The following SWAP70 variants were observed in gnomAD, a reference collection of about 807,000 sequenced individuals.
SWAP70 encodes switch-associated protein 70.
A neutral mutation model predicts 80.2 loss-of-function variants in SWAP70; 34 were observed. The ratio of observed to expected loss-of-function variants is 0.42; its 90% CI spans 0.32 to 0.56. The LOEUF (loss-of-function observed/expected upper bound fraction) is 0.56. Among genes scored for constraint, SWAP70 ranks in the 20% least tolerant of loss-of-function variants. SWAP70 has a pLI of 0.09. For missense variants in SWAP70, 578 were observed against 690.7 expected, an observed-to-expected ratio of 0.84 and a Z score of 1.83; for synonymous variants, 239 against 238.5, an observed-to-expected ratio of 1.00 and a Z score of -0.02.
chr11:9,742,781 G>A (rs1256498891), intron 9 of SWAP70, among the ~76,000 whole-genome samples: 1 of 151,916 alleles, frequency 6.6e-6, no homozygotes, highest in Admixed American at 6.6e-5. Context: ...AAAATCAAGG[G>A]AAGTCATCCT....
At chr11:9,712,651 A>G (rs1200312596) in intron 2 of SWAP70, among the ~76,000 whole-genome samples, 1 of 152,082 alleles carries the variant, frequency 6.6e-6, no homozygotes, top group Non-Finnish European at 1.5e-5. Flanking sequence ...GAAACACTGG[A>G]TACGTGAACA....
intron 1 of SWAP70, among the ~76,000 whole-genome samples, chr11:9,671,725 TATTTCTATGTATACATAG>T (rs1481380904): frequency 8.2e-4 from 76 of 92,268 alleles, no homozygotes; most frequent in Middle Eastern, 0.015. Flanking sequence ...TATATAAATA[TATTTCTATGTATACATAG>T]AAATATAAAT....
chr11:9,694,306 T>C lies in SWAP70; in HGVS notation c.240+20T>C. The C allele has an allele frequency of 6.2e-7, 1 of 1,601,860 alleles. No individual in the cohort carries two copies. The highest frequency in any genetic ancestry group is 1.1e-5 in the South Asian group (1 of 88,828). On this transcript the variant is annotated intron_variant, in intron 2 of 11. Coordinates refer to ENST00000318950, the MANE Select transcript of SWAP70 (RefSeq NM_015055.4). ...GAAAAGGTATGATTCTAACCTTTTT[T>C]TGGGTGTAGCATTGTTTGGTTTGCA...
At chr11:9,691,310 G>A (rs1403138914) in intron 1 of SWAP70, among the ~76,000 whole-genome samples, 2 of 152,204 alleles carry the variant, frequency 1.3e-5, no homozygotes, top group Non-Finnish European at 2.9e-5. Context: ...TCTAAATTAT[G>A]AAATGAGTTT....
chr11:9,707,737 G>A (rs1319749878), intron 2 of SWAP70, among the ~76,000 whole-genome samples: 1 of 151,512 alleles, frequency 6.6e-6, no homozygotes, highest in East Asian at 1.9e-4. Context: ...TGTATTTTTT[G>A]TAGAGACGCG....
chr11:9,744,754 A>G (rs949359593), intron 9 of SWAP70, among the ~76,000 whole-genome samples: 17 of 152,238 alleles, frequency 1.1e-4, no homozygotes, highest in Middle Eastern at 3.4e-3. Context: ...CTAAAAATAC[A>G]AAAATTAGCT....
chr11:9,720,154 C>T (rs1851116609), intron 3 of SWAP70: 2 of 985,188 alleles, frequency 2.0e-6, no homozygotes, highest in Non-Finnish European at 2.4e-6. Flanking sequence ...TAATGTTTGT[C>T]TCTCCTTGGC....
At chr11:9,737,930 G>A (rs769384326) in intron 7 of SWAP70, among the ~76,000 whole-genome samples, 1 of 152,154 alleles carries the variant, frequency 6.6e-6, no homozygotes, top group East Asian at 1.9e-4. Context: ...TCTCATGAAT[G>A]CAATCCCAAG....
chr11:9,742,288 T>A (rs1200023695), intron 9 of SWAP70, among the ~76,000 whole-genome samples: 2 of 151,736 alleles, frequency 1.3e-5, no homozygotes, highest in Non-Finnish European at 2.9e-5. Flanking sequence ...TTATTCTAAA[T>A]TTTTTTTTCT....
At chr11:9,702,747 C>T (rs766180118) in intron 2 of SWAP70, among the ~76,000 whole-genome samples, 1 of 152,036 alleles carries the variant, frequency 6.6e-6, no homozygotes, top group Admixed American at 6.6e-5. Flanking sequence ...TAATTTGGTG[C>T]AATGACTAAG....
chr11:9,734,710 A>T (rs1462125176), intron 7 of SWAP70, among the ~76,000 whole-genome samples: 1 of 151,932 alleles, frequency 6.6e-6, no homozygotes, highest in African/African-American at 2.4e-5. Flanking sequence ...TGCCATGCTC[A>T]CTCCCCTGCT....
intron 1 of SWAP70, among the ~76,000 whole-genome samples, chr11:9,672,168 A>AAT (rs1254780306): frequency 6.5e-5 from 7 of 107,652 alleles, no homozygotes; most frequent in Non-Finnish European, 1.1e-4. Context: ...AATATATTTA[A>AAT]ATATATATAT....
chr11:9,731,137 A>G (rs1171670510), intron 6 of SWAP70, among the ~76,000 whole-genome samples: 2 of 152,208 alleles, frequency 1.3e-5, no homozygotes, highest in Non-Finnish European at 2.9e-5. Flanking sequence ...TCCGTAGTGA[A>G]TGAATAACTT....
At chr11:9,720,239 A>T in intron 3 of SWAP70, 1 of 985,410 alleles carries the variant, frequency 1.0e-6, no homozygotes, top group Non-Finnish European at 1.2e-6. Context: ...AGTCAGCAGG[A>T]AATGAATCTA....
chr11:9,678,852 C>A (rs1407349418), intron 1 of SWAP70, among the ~76,000 whole-genome samples: 3 of 152,112 alleles, frequency 2.0e-5, no homozygotes, highest in Non-Finnish European at 4.4e-5. Context: ...TCCTTAGTCC[C>A]TCTTAGGCAT....
At chr11:9,748,181 GA>G (rs925401002) in intron 10 of SWAP70, 125 bp downstream of exon 10, 1 of 983,734 alleles carries the variant, frequency 1.0e-6, no homozygotes, top group African/African-American at 1.6e-5. Flanking sequence ...CTGTAAGAAA[GA>G]AAAAAGAGGG....
intron 1 of SWAP70, among the ~76,000 whole-genome samples, chr11:9,671,472 A>G (rs1246794224): frequency 9.7e-6 from 1 of 103,612 alleles, no homozygotes; most frequent in Non-Finnish European, 1.7e-5. Flanking sequence ...ATATAAATAT[A>G]TAAAAGTATA....
rs1851565140 is a variant in SWAP70 at position 9,750,023 on chromosome 11, C to G, written c.*53C>G. On this transcript the variant is annotated 3_prime_UTR_variant, in exon 12 of 12. Transcript: ENST00000318950. ...ATGTAGATACTGCATGGCAGGAGAG[C>G]TTTACGCTAAAGACAAAAGAAACAG... is the stretch of plus-strand genomic sequence containing the variant. 2.4e-6 allele frequency: 3 copies of G among 1,274,544 alleles called. No homozygotes were observed. The highest frequency in any genetic ancestry group is 2.4e-5 in the South Asian group (2 of 83,270). The allele number at this position is 1,274,544 out of a possible 1,614,324, so 79.0% of individuals were successfully genotyped here. A position where few individuals can be genotyped will look rare whatever the true frequency, so the allele number is the denominator to read the frequency against.
At chr11:9,736,801 A>G (rs1318905522) in intron 7 of SWAP70, among the ~76,000 whole-genome samples, 2 of 152,194 alleles carry the variant, frequency 1.3e-5, no homozygotes, top group African/African-American at 4.8e-5. Flanking sequence ...ATTGCCTCAC[A>G]GTCTGAGATC....
Sources: allele counts gnomAD v4.1 joint callset (sites outside exome capture counted in the v4.1 genomes callset), GRCh38; gene constraint gnomAD v4.1.1; transcripts MANE v1.5; gene names NCBI Gene and HGNC (gene_info 2026-07-23, HGNC 2026-07-21).